The following TNKS variants were observed in gnomAD, a reference collection of about 807,000 sequenced individuals.
TNKS encodes poly [ADP-ribose] polymerase tankyrase-1.
Under a neutral mutation model 135.8 loss-of-function variants are expected in TNKS, and 72 were observed. The ratio of observed to expected loss-of-function variants is 0.53; its 90% CI spans 0.44 to 0.64. The LOEUF (loss-of-function observed/expected upper bound fraction) is 0.64, where lower values mean the gene tolerates loss of function less well. TNKS is among the 30% of genes least tolerant of loss of function. The probability of loss-of-function intolerance (pLI) is 0.00; values close to 1 mark genes in which losing one functional copy is unlikely to be tolerated. For synonymous variants in TNKS, 849 were observed against 649.3 expected, an observed-to-expected ratio of 1.31 and a Z score of -4.68; for missense variants, 1,769 against 1,674.0, an observed-to-expected ratio of 1.06 and a Z score of -0.99.
intron 1 of TNKS, among the ~76,000 whole-genome samples, chr8:9,561,650 C>T (rs546693062): frequency 3.3e-4 from 50 of 152,182 alleles, no homozygotes; most frequent in African/African-American, 1.1e-3. Context: ...TGAATAAAGT[C>T]GCAATGAACA....
intron 20 of TNKS, among the ~76,000 whole-genome samples, chr8:9,753,323 A>C (rs982904833): frequency 6.6e-6 from 1 of 152,214 alleles, no homozygotes. Flanking sequence ...AAAGCACAGT[A>C]GTACTTAGAC....
intron 3 of TNKS, among the ~76,000 whole-genome samples, chr8:9,676,772 A>G (rs564749033): frequency 3.9e-5 from 6 of 151,948 alleles, no homozygotes; most frequent in East Asian, 3.9e-4. Flanking sequence ...AGTAAAAACA[A>G]TTTAGATTTT....
chr8:9,763,203 C>T lies in TNKS; in HGVS notation c.3331C>T (p.Leu1111Phe). The T allele has an allele frequency of 6.2e-7, 1 of 1,606,894 alleles. No homozygotes were observed. The highest frequency in any genetic ancestry group is 8.5e-7 in the Non-Finnish European group (1 of 1,176,014). Residue 1111 changes from leucine to phenylalanine, a missense_variant, in exon 22 of 27, where the codon CTT becomes TTT. Around this residue, in one of 5 missense-constraint regions of TNKS, gnomAD observed 722 missense variants for 688.9 expected, o/e 1.05. Coordinates refer to ENST00000310430, the MANE Select transcript of TNKS (RefSeq NM_003747.3). ...CVNQGTILLDLAPEDKEYQSV... is the reference protein window; with the variant it reads ...CVNQGTILLDFAPEDKEYQSV... ...TAATCAGGGAACGATTTTGCTGGAT[C>T]TTGCTCCAGAAGATAAAGAATATCA...
At chr8:9,672,654 T>TA (rs746763150) in intron 3 of TNKS, among the ~76,000 whole-genome samples, 8,269 of 42,718 alleles carry the variant, frequency 0.19, 889 homozygotes, top group Non-Finnish European at 0.23. Context: ...ACTGTGATGG[T>TA]AAAAAAAAAA....
intron 3 of TNKS, among the ~76,000 whole-genome samples, chr8:9,651,281 C>G (rs778282889): frequency 1.1e-4 from 16 of 151,870 alleles, no homozygotes; most frequent in Non-Finnish European, 2.1e-4. Context: ...AAAATAGCAG[C>G]TAAAGTTTAT....
rs1015872871 is a variant in TNKS, at chr8:9,779,393, C to T, written c.*2657C>T. ...TAGGATCATCCAATATGGCCTACCC[C>T]GAAATGGCCCCTCTGTTTCCCTAAC... On this transcript the variant is annotated 3_prime_UTR_variant, in exon 27 of 27. Coordinates refer to ENST00000310430, the MANE Select transcript of TNKS (RefSeq NM_003747.3). The T allele has an allele frequency of 6.6e-6, 1 of 152,192 alleles. No homozygotes were observed. The highest frequency in any genetic ancestry group is 1.9e-4 in the East Asian group (1 of 5,190). The allele number at this position is 152,192 out of a possible 1,614,324, so 9.4% of individuals were successfully genotyped here.
At chr8:9,643,585 A>T (rs1211383727) in intron 3 of TNKS, among the ~76,000 whole-genome samples, 1 of 152,150 alleles carries the variant, frequency 6.6e-6, no homozygotes, top group East Asian at 1.9e-4. Context: ...AGCAGCTACT[A>T]TTAAAAACAA....
At chr8:9,574,621 T>G (rs1797873478) in intron 1 of TNKS, among the ~76,000 whole-genome samples, 2 of 152,234 alleles carry the variant, frequency 1.3e-5, no homozygotes, top group South Asian at 4.1e-4. Flanking sequence ...TACCCTTGAC[T>G]TACAAAGTTG....
chr8:9,756,813 C>T (rs1020818174), intron 20 of TNKS, among the ~76,000 whole-genome samples: 1 of 152,148 alleles, frequency 6.6e-6, no homozygotes, highest in Admixed American at 6.5e-5. Context: ...TCATCCCTTC[C>T]ATGCCATTTT....
At chr8:9,589,827 A>C (rs144632168) in intron 2 of TNKS, among the ~76,000 whole-genome samples, 2 of 152,244 alleles carry the variant, frequency 1.3e-5, no homozygotes, top group African/African-American at 4.8e-5. Context: ...CATGCCTTCA[A>C]CGAAGATCTT....
chr8:9,604,269 C>A (rs868070588), intron 2 of TNKS, among the ~76,000 whole-genome samples: 1 of 152,016 alleles, frequency 6.6e-6, no homozygotes, highest in Non-Finnish European at 1.5e-5. Context: ...TGTACATATA[C>A]TACTGTATGT....
At chr8:9,735,592 A>G in intron 17 of TNKS, 106 bp downstream of exon 17, 1 of 819,224 alleles carries the variant, frequency 1.2e-6, no homozygotes, top group South Asian at 1.5e-5. Flanking sequence ...CGAGGTCAGG[A>G]GGTCGAGACA....
In TNKS at chr8:9,765,892, G is replaced by C. The variant is rs530043200; in HGVS notation, c.3553+95G>C. 4.5e-5 allele frequency: 47 copies of C among 1,046,352 alleles called. No homozygotes were observed. The Middle Eastern group carries it at 6.5e-4, about 15-fold the overall frequency. 64.8% of individuals were successfully genotyped at this position (1,046,352 alleles called of 1,614,324 possible). A position where few individuals can be genotyped will look rare whatever the true frequency, so the allele number is the denominator to read the frequency against. ...ACGTTAAATTGACTATAATACGGTT[G>C]TGTTAAAAACGGCTTGTTTTGATTA... On this transcript the variant is annotated intron_variant, in intron 24 of 26. Coordinates refer to ENST00000310430, the MANE Select transcript of TNKS (RefSeq NM_003747.3).
At position 9,582,033 on chromosome 8, in the gene TNKS, G is replaced by T. The variant is rs1458051610; in HGVS notation, c.898+1650G>T. Reference sequence around the variant, plus strand: ...CTTATAAAAGTTGAGGGAAGGGGAAGGGCACCTTTGAAACTATACTCAAAA... The same window carrying T: ...CTTATAAAAGTTGAGGGAAGGGGAATGGCACCTTTGAAACTATACTCAAAA... On this transcript the variant is annotated intron_variant, in intron 2 of 26. Transcript: ENST00000310430. 2.0e-5 allele frequency among the ~76,000 whole-genome samples: 3 copies of T among 152,154 alleles called. No individual in the cohort carries two copies. The East Asian group carries it at 5.8e-4, about 29-fold the overall frequency.
At chr8:9,632,407 CT>C (rs1453449348) in intron 3 of TNKS, among the ~76,000 whole-genome samples, 1 of 151,820 alleles carries the variant, frequency 6.6e-6, no homozygotes, top group African/African-American at 2.4e-5. Flanking sequence ...GGGTGTATTT[CT>C]TATTCTTTTC....
intron 5 of TNKS, among the ~76,000 whole-genome samples, chr8:9,683,949 C>CT (rs968664544): frequency 2.5e-4 from 38 of 150,824 alleles, no homozygotes; most frequent in Non-Finnish European, 3.6e-4. Context: ...ATTTTATTGG[C>CT]TTTTTTTTTC....
chr8:9,731,726 A>G lies in TNKS; in HGVS notation c.2147+691A>G, dbSNP rs1805451993. Among the ~76,000 whole-genome samples the G allele has an allele frequency of 1.3e-5, 2 of 152,114 alleles. 1 individual carries two copies. Among genetic ancestry groups the G allele is most frequent in the South Asian group, 4.1e-4 (2 of 4,822 alleles). ...GTATCTTGAATAGTCTTCCCATATC[A>G]GTACTTAATAGTCTCATTCTTTTAA... On this transcript the variant is annotated intron_variant, in intron 14 of 26. Transcript: ENST00000310430.
chr8:9,643,679 A>G (rs1800805677), intron 3 of TNKS, among the ~76,000 whole-genome samples: 1 of 152,178 alleles, frequency 6.6e-6, no homozygotes, highest in Non-Finnish European at 1.5e-5. Flanking sequence ...GTGGGATTGT[A>G]AAATGGTGTA....
intron 13 of TNKS, among the ~76,000 whole-genome samples, chr8:9,729,938 A>C (rs1805351689): frequency 6.6e-6 from 1 of 151,736 alleles, no homozygotes; most frequent in Non-Finnish European, 1.5e-5. Flanking sequence ...CACCATGCCC[A>C]GCTAATTTTT....
Sources: gnomAD v4.1 joint callset for allele counts (sites outside exome capture counted in the v4.1 genomes callset) on GRCh38, gnomAD v4.1.1 for gene constraint, gnomAD v4.1.1 regional missense constraint, MANE v1.5 for transcripts, NCBI Gene and HGNC (gene_info 2026-07-23, HGNC 2026-07-21) for gene names.